The following CCM2 variants were observed in gnomAD, a reference collection of about 807,000 sequenced individuals.
The protein encoded by CCM2 is cerebral cavernous malformations 2 protein.
Under a neutral mutation model 44.9 loss-of-function variants are expected in CCM2, and 25 were observed. The ratio of observed to expected loss-of-function variants is 0.56; its 90% confidence interval spans 0.41 to 0.78. CCM2 has a LOEUF of 0.78. Ranked by LOEUF, CCM2 falls within the 30% of genes least tolerant of loss-of-function variation. The probability of loss-of-function intolerance (pLI) is 0.00; values close to 1 mark genes in which losing one functional copy is unlikely to be tolerated. For missense variants in CCM2, 481 were observed against 580.6 expected (o/e 0.83, Z 1.76); for synonymous variants, 219 against 241.1 (o/e 0.91, Z 0.85).
At chr7:45,023,335 A>C (rs1349764468) in intron 1 of CCM2, among the ~76,000 whole-genome samples, 1 of 152,126 alleles carries the variant, frequency 6.6e-6, no homozygotes, top group Non-Finnish European at 1.5e-5. Context: ...GGATCACCTG[A>C]GGTCAGGAGT....
Position 45,000,284 on chromosome 7 carries a change from C to A in CCM2, c.-50C>A. 9.1e-7 allele frequency: 1 copy of A among 1,101,712 alleles called. No individual in the cohort carries two copies. Among genetic ancestry groups the A allele is most frequent in the Non-Finnish European group, 1.1e-6 (1 of 901,744 alleles). The allele number at this position is 1,101,712 out of a possible 1,614,324, so 68.2% of individuals were successfully genotyped here. Reference sequence around the variant, plus strand: ...TCGAGCATGTAGCGGCTGCTGGCGGCGGGGCTCCCGGGGCGGGCCGGGCGG... The same window carrying A: ...TCGAGCATGTAGCGGCTGCTGGCGGAGGGGCTCCCGGGGCGGGCCGGGCGG... On this transcript the variant is annotated 5_prime_UTR_variant, in exon 1 of 10. Transcript: ENST00000258781.
At chr7:45,024,353 G>C (rs1030129231) in intron 1 of CCM2, among the ~76,000 whole-genome samples, 3 of 152,116 alleles carry the variant, frequency 2.0e-5, no homozygotes, top group Non-Finnish European at 4.4e-5. Flanking sequence ...CTTAGTCAAG[G>C]CCCAAGAAAC....
At chr7:45,071,091 C>T (rs1038082418) in intron 6 of CCM2, 8 of 152,252 alleles carry the variant, frequency 5.3e-5, no homozygotes, top group African/African-American at 1.9e-4. Flanking sequence ...CTCATTTAGT[C>T]CTCGGTGGCC....
chr7:45,023,370 C>T (rs1448758876), intron 1 of CCM2, among the ~76,000 whole-genome samples: 9 of 152,172 alleles, frequency 5.9e-5, no homozygotes, highest in Non-Finnish European at 4.4e-5. Flanking sequence ...GCCAACATGG[C>T]GAAGCCCCAT....
At chr7:45,055,815 A>G (rs1481212879) in intron 2 of CCM2, among the ~76,000 whole-genome samples, 2 of 152,176 alleles carry the variant, frequency 1.3e-5, no homozygotes, top group African/African-American at 2.4e-5. Flanking sequence ...TACTGAAACC[A>G]TGTTCCTGTT....
intron 1 of CCM2, among the ~76,000 whole-genome samples, chr7:45,034,571 T>G (rs1202829440): frequency 8.6e-6 from 1 of 115,870 alleles, no homozygotes; most frequent in African/African-American, 3.4e-5. Context: ...CAGGCTGGGG[T>G]GCAATAGCAC....
chr7:45,000,127 C>T (rs1298558864), upstream of CCM2: 1 of 14,824 alleles, frequency 6.7e-5, no homozygotes, highest in Non-Finnish European at 1.1e-4. Flanking sequence ...GGGGCCTGCG[C>T]TGGGGAAGGT....
Position 45,010,839 on chromosome 7 carries a change from A to T in CCM2, c.30+10476A>T, listed in dbSNP as rs552115980. ...TCTCGAACCCCTGACCTCAGGTGAT[A>T]CACTTGCCACGGCCTCCCAGTCTAC... On this transcript the variant is annotated intron_variant, in intron 1 of 9. Coordinates refer to ENST00000258781, the MANE Select transcript of CCM2 (RefSeq NM_031443.4). Among the ~76,000 whole-genome samples the T allele has an allele frequency of 7.9e-5, 12 of 152,084 alleles. No individual in the cohort carries two copies. The East Asian group carries it at 2.3e-3, about 29-fold the overall frequency.
Position 45,076,362 on chromosome 7 carries a change from G to A in CCM2, c.*305G>A, listed in dbSNP as rs1784266728. Reference sequence around the variant, plus strand: ...AGGGAGAGCCAGTCCTGTCGGCTGGGCCCTTGGACGGCTGTCAGTTTTGCA... The same window carrying A: ...AGGGAGAGCCAGTCCTGTCGGCTGGACCCTTGGACGGCTGTCAGTTTTGCA... On this transcript the variant is annotated 3_prime_UTR_variant, in exon 10 of 10. Transcript: ENST00000258781. 1 of 560,104 alleles carries A rather than the reference G, an allele frequency of 1.8e-6. No homozygotes were observed. The highest frequency in any genetic ancestry group is 3.3e-6 in the Non-Finnish European group (1 of 301,288). 34.7% of individuals were successfully genotyped at this position (560,104 alleles called of 1,614,324 possible).
intron 8 of CCM2, 87 bp downstream of exon 8, chr7:45,073,658 A>T: frequency 1.1e-6 from 1 of 924,876 alleles, no homozygotes; most frequent in Non-Finnish European, 1.7e-6. Context: ...GAGGAGGAGC[A>T]GTGCAGGGCA....
chr7:45,075,058 C>T lies in CCM2; in HGVS notation c.1054+650C>T, dbSNP rs565848601. On this transcript the variant is annotated intron_variant, in intron 9 of 9. Transcript: ENST00000258781. ...CAAGGAAGGTGGGTTTGTTAACCAT[C>T]GTACCGACCTGGCAGTGGCAAACGT... Among the ~76,000 whole-genome samples, 10 of 152,370 alleles carry T rather than the reference C, an allele frequency of 6.6e-5. No homozygotes were observed. In the South Asian group the frequency reaches 1.0e-3, roughly 16 times the overall value.
intron 1 of CCM2, among the ~76,000 whole-genome samples, chr7:45,006,898 C>T (rs1222435321): frequency 6.6e-6 from 1 of 152,200 alleles, no homozygotes; most frequent in African/African-American, 2.4e-5. Flanking sequence ...TGAAGCCACT[C>T]AAGTCTATAA....
In CCM2 at chr7:45,072,622, C is replaced by G. The variant is rs1554379345; in HGVS notation, c.746-104C>G. 4.6e-6 allele frequency: 4 copies of G among 877,932 alleles called. No homozygotes were observed. The South Asian group carries it at 5.5e-5, about 12-fold the overall frequency. The allele number at this position is 877,932 out of a possible 1,614,324, so 54.4% of individuals were successfully genotyped here. A position where few individuals can be genotyped will look rare whatever the true frequency, so the allele number is the denominator to read the frequency against. On this transcript the variant is annotated intron_variant, in intron 6 of 9. Transcript: ENST00000258781. ...GAAGGACAGCAGGGTCCCTGAAGACCAGGGCTGCCGCTGTCTCCTGTAAAT... is the reference window on the plus strand; with the variant it reads ...GAAGGACAGCAGGGTCCCTGAAGACGAGGGCTGCCGCTGTCTCCTGTAAAT...
At chr7:45,053,859 T>G (rs1798124397) in intron 2 of CCM2, among the ~76,000 whole-genome samples, 1 of 152,170 alleles carries the variant, frequency 6.6e-6, no homozygotes, top group Non-Finnish European at 1.5e-5. Context: ...TTATAGTATG[T>G]CTACTTCCCT....
intron 1 of CCM2, among the ~76,000 whole-genome samples, chr7:45,025,234 A>AT (rs1200155666): frequency 1.3e-5 from 2 of 152,150 alleles, no homozygotes; most frequent in African/African-American, 4.8e-5. Flanking sequence ...ATTGAGTACA[A>AT]TTTTTTGTAA....
chr7:45,040,403 CAGAA>C (rs896006701), intron 2 of CCM2, among the ~76,000 whole-genome samples: 2 of 151,148 alleles, frequency 1.3e-5, no homozygotes, highest in African/African-American at 2.4e-5. Context: ...AAAAAAGTCC[CAGAA>C]AGAATATTCA....
At chr7:44,999,863 T>A (rs768564572), upstream of CCM2, 3 of 400,698 alleles carry the variant, frequency 7.5e-6, no homozygotes, top group South Asian at 5.1e-5. Flanking sequence ...GACAGGTGCG[T>A]TCTCGCGGCC....
intron 2 of CCM2, among the ~76,000 whole-genome samples, chr7:45,051,613 A>G (rs1308729963): frequency 7.4e-6 from 1 of 134,794 alleles, no homozygotes; most frequent in Non-Finnish European, 1.6e-5. Context: ...CCCAGGCTGT[A>G]GTGGTGGCAT....
intron 1 of CCM2, among the ~76,000 whole-genome samples, chr7:45,011,406 G>A (rs1414732007): frequency 2.6e-5 from 4 of 151,416 alleles, no homozygotes; most frequent in Non-Finnish European, 4.4e-5. Flanking sequence ...CATGTTGGCC[G>A]GGCTCCTCTC....
Sources: gnomAD v4.1 joint callset for allele counts (sites outside exome capture counted in the v4.1 genomes callset) on GRCh38, gnomAD v4.1.1 for gene constraint, MANE v1.5 for transcripts, NCBI Gene and HGNC (gene_info 2026-07-23, HGNC 2026-07-21) for gene names.